Variants in MAST4 observed in about 807,000 individuals in gnomAD.
MAST4 encodes the protein microtubule associated serine/threonine kinase family member 4.
In MAST4, 89 loss-of-function variants were observed where a neutral mutation model predicts 162.7. That is an observed-to-expected ratio of 0.55 (90% CI 0.46 to 0.65). MAST4 has a LOEUF of 0.65. Among genes scored for constraint, MAST4 ranks in the 30% least tolerant of loss-of-function variants. MAST4 has a pLI of 0.00. For synonymous variants in MAST4, 1,479 were observed against 1,361.1 expected (o/e 1.09, Z -1.91); for missense variants, 3,153 against 3,374.0 (o/e 0.93, Z 1.62).
intron 2 of MAST4, among the ~76,000 whole-genome samples, chr5:66,783,623 G>A (rs1028757506): frequency 6.6e-6 from 1 of 152,160 alleles, no homozygotes; most frequent in Non-Finnish European, 1.5e-5. Flanking sequence ...GGTAACAAAG[G>A]AATTGAGGGC....
chr5:66,771,351 AT>A (rs932162910), intron 2 of MAST4, among the ~76,000 whole-genome samples: 1 of 151,602 alleles, frequency 6.6e-6, no homozygotes, highest in African/African-American at 2.4e-5. Context: ...CACCCGGCTA[AT>A]TTTTTTTGTA....
At chr5:67,021,144 T>A (rs577637373) in intron 4 of MAST4, among the ~76,000 whole-genome samples, 1 of 152,352 alleles carries the variant, frequency 6.6e-6, no homozygotes, top group East Asian at 1.9e-4. Context: ...GGCATGGCCT[T>A]CTCTGGTAAC....
intron 1 of MAST4, among the ~76,000 whole-genome samples, chr5:66,660,728 AT>A (rs1395015823): frequency 3.9e-5 from 6 of 152,162 alleles, no homozygotes; most frequent in African/African-American, 1.2e-4. Flanking sequence ...GGATAAAACT[AT>A]TTTTTTGATG....
chr5:66,722,391 G>A (rs535178063), intron 1 of MAST4, among the ~76,000 whole-genome samples: 79 of 150,852 alleles, frequency 5.2e-4, no homozygotes, highest in South Asian at 1.5e-3. Context: ...TTCTCCATGC[G>A]GCTTAGAGTG....
At chr5:67,026,660 T>TG (rs11441589) in intron 4 of MAST4, among the ~76,000 whole-genome samples, 72,337 of 151,998 alleles carry the variant, frequency 0.48, 18,807 homozygotes, top group African/African-American at 0.69. Flanking sequence ...TTCTAGGGTT[T>TG]CATACAGTTT....
At position 67,121,869 on chromosome 5, in the gene MAST4, AT is replaced by A. The variant is rs979210419; in HGVS notation, c.1745+779del. On this transcript the variant is annotated intron_variant, in intron 14 of 28. Coordinates refer to ENST00000403625, the MANE Select transcript of MAST4 (RefSeq NM_001164664.2). ...TTGTTTTTGTTTTTTTAAAAATTTA[AT>A]TTTTTTTTTTTGAGACTAGGTCTTG... Among the ~76,000 whole-genome samples, 438 of 146,466 alleles carry A rather than the reference AT, an allele frequency of 3.0e-3. 4 individuals are homozygous for A. Among genetic ancestry groups the A allele is most frequent in the African/African-American group, 9.6e-3 (384 of 40,186 alleles).
chr5:66,722,100 C>T (rs1289438829), intron 1 of MAST4, among the ~76,000 whole-genome samples: 1 of 152,058 alleles, frequency 6.6e-6, no homozygotes, highest in Non-Finnish European at 1.5e-5. Flanking sequence ...ACAGAGCAGC[C>T]AGAGTGATCC....
chr5:66,918,173 G>A (rs956025309), intron 4 of MAST4, among the ~76,000 whole-genome samples: 5 of 152,020 alleles, frequency 3.3e-5, no homozygotes, highest in Non-Finnish European at 7.4e-5. Context: ...TTAATTATCT[G>A]ATAATTATAT....
chr5:67,101,822 G>A (rs1765064101), intron 8 of MAST4, among the ~76,000 whole-genome samples: 1 of 151,482 alleles, frequency 6.6e-6, no homozygotes, highest in Admixed American at 6.6e-5. Context: ...GCCATTTTTT[G>A]TTTTATTAAA....
intron 4 of MAST4, among the ~76,000 whole-genome samples, chr5:66,984,988 G>T (rs1399569372): frequency 6.6e-6 from 1 of 152,168 alleles, no homozygotes; most frequent in Admixed American, 6.5e-5. Context: ...AGTTAGGTCT[G>T]GAGAAGTAAA....
intron 3 of MAST4, among the ~76,000 whole-genome samples, chr5:66,848,129 C>G (rs1481981587): frequency 6.6e-6 from 1 of 152,076 alleles, no homozygotes; most frequent in African/African-American, 2.4e-5. Context: ...AATTTGCTTA[C>G]TATTTGCTTA....
intron 5 of MAST4, among the ~76,000 whole-genome samples, chr5:67,057,051 C>A (rs1048343501): frequency 1.3e-5 from 2 of 152,054 alleles, no homozygotes; most frequent in African/African-American, 4.8e-5. Context: ...GTTGTTCTCT[C>A]AGAGGCAGTG....
intron 1 of MAST4, among the ~76,000 whole-genome samples, chr5:66,628,344 T>C (rs1355333009): frequency 6.6e-6 from 1 of 151,082 alleles, no homozygotes; most frequent in Non-Finnish European, 1.5e-5. Flanking sequence ...TTTTTTCTTT[T>C]TTTTTTTTTT....
At chr5:66,761,714 A>AG (rs1346865582) in intron 2 of MAST4, among the ~76,000 whole-genome samples, 1 of 152,136 alleles carries the variant, frequency 6.6e-6, no homozygotes, top group Non-Finnish European at 1.5e-5. Flanking sequence ...CCTCAGGCCA[A>AG]GGGGGAGAAA....
At chr5:67,026,505 A>G (rs1181665823) in intron 4 of MAST4, among the ~76,000 whole-genome samples, 1 of 152,250 alleles carries the variant, frequency 6.6e-6, no homozygotes, top group Non-Finnish European at 1.5e-5. Flanking sequence ...AATTCATGCA[A>G]CCATCAGCAG....
At chr5:67,114,066 T>G in intron 11 of MAST4, 21 bp from the exon 12 acceptor site, 1 of 1,613,356 alleles carries the variant, frequency 6.2e-7, no homozygotes, top group Non-Finnish European at 8.5e-7. Context: ...GAAGTATCCA[T>G]CTGTGATTGT....
intron 13 of MAST4, among the ~76,000 whole-genome samples, chr5:67,120,103 G>A (rs975231731): frequency 3.3e-5 from 5 of 152,224 alleles, no homozygotes; most frequent in African/African-American, 1.2e-4. Flanking sequence ...GAGGCCAAAG[G>A]GGAGCAGAGG....
At chr5:67,154,119 C>T (rs1772185635) in intron 26 of MAST4, among the ~76,000 whole-genome samples, 1 of 152,192 alleles carries the variant, frequency 6.6e-6, no homozygotes, top group Non-Finnish European at 1.5e-5. Flanking sequence ...TTAACTTAAA[C>T]AGGGATCAAT....
chr5:66,897,696 T>G (rs1762773461), intron 3 of MAST4, among the ~76,000 whole-genome samples: 1 of 152,214 alleles, frequency 6.6e-6, no homozygotes, highest in Non-Finnish European at 1.5e-5. Flanking sequence ...AGTGGCCTAT[T>G]AAATGTCCTT....
Sources: allele counts gnomAD v4.1 joint callset (sites outside exome capture counted in the v4.1 genomes callset), GRCh38; gene constraint gnomAD v4.1.1; transcripts MANE v1.5; gene names NCBI Gene and HGNC (gene_info 2026-07-23, HGNC 2026-07-21).